The following ZNF600 variants were observed in gnomAD, a reference collection of about 807,000 sequenced individuals.
The protein encoded by ZNF600 is zinc finger protein 600, also known as zinc finger protein KR-ZNF1.
Under a neutral mutation model 7.3 loss-of-function variants are expected in ZNF600, and 4 were observed. That is an observed-to-expected ratio of 0.55 (90% confidence interval 0.27 to 1.25). The LOEUF (loss-of-function observed/expected upper bound fraction) is 1.25, where lower values mean the gene tolerates loss of function less well. ZNF600 is among the 50% of genes most tolerant of loss of function. The probability of loss-of-function intolerance (pLI) is 0.12; values close to 1 mark genes in which losing one functional copy is unlikely to be tolerated. For synonymous variants in ZNF600, 290 were observed against 308.9 expected (o/e 0.94, Z 0.64); for missense variants, 911 against 922.1 (o/e 0.99, Z 0.16).
chr19:52,828,310 C>A, the ZNF600 span, among the ~76,000 whole-genome samples: 2 of 152,046 alleles, frequency 1.3e-5, no homozygotes, highest in East Asian at 1.9e-4. Context: ...CCTCAACCCC[C>A]CAAAGTCCTA....
intron 3 of ZNF600, among the ~76,000 whole-genome samples, chr19:52,774,084 T>C (rs540043430): frequency 6.6e-6 from 1 of 152,010 alleles, no homozygotes; most frequent in South Asian, 2.1e-4. Flanking sequence ...GATAAATATA[T>C]GAACAAAATG....
Position 52,765,991 on chromosome 19 carries a change from T to C in ZNF600, c.1972A>G (p.Lys658Glu), listed in dbSNP as rs779982039. 35 of 1,614,114 alleles carry C rather than the reference T, an allele frequency of 2.2e-5. No homozygotes were observed. Among genetic ancestry groups the C allele is most frequent in the Non-Finnish European group, 2.9e-5 (34 of 1,180,050 alleles). ...AGGTATGAATTACGCACGAAAGCCT[T>C]GTCACAAACCGTACATTTGTAAGAT... The change falls in exon 4 of 4, where the codon AAG becomes GAG. Residue 658 changes from lysine (K) to glutamate (E), a missense_variant. Physicochemically the swap from Lys to Glu is moderately conservative, Grantham distance 56 (BLOSUM62 1). Transcript: ENST00000648973.
At chr19:52,815,551 G>T in the ZNF600 span, among the ~76,000 whole-genome samples, 1 of 145,606 alleles carries the variant, frequency 6.9e-6, no homozygotes, top group Non-Finnish European at 1.5e-5. Context: ...CTGTCTGGGC[G>T]TGGTGGCTCA....
chr19:52,827,243 T>TAAAAAA, the ZNF600 span, among the ~76,000 whole-genome samples: 2 of 69,284 alleles, frequency 2.9e-5, no homozygotes, highest in Non-Finnish European at 3.2e-5. Context: ...ACCCTGTCTC[T>TAAAAAA]AAAAACAAAA....
the ZNF600 span, among the ~76,000 whole-genome samples, chr19:52,812,762 TAAAA>T: frequency 9.9e-4 from 75 of 75,426 alleles, no homozygotes; most frequent in African/African-American, 2.7e-3. Context: ...GAATGATCAA[TAAAA>T]AAAAAAAAAA....
chr19:52,785,018 T>C (rs2147584637), intron 1 of ZNF600, among the ~76,000 whole-genome samples: 1 of 152,196 alleles, frequency 6.6e-6, no homozygotes, highest in East Asian at 1.9e-4. Flanking sequence ...ATTACAGGCA[T>C]GAGCCACTGC....
chr19:52,771,213 A>G (rs1173189683), intron 3 of ZNF600, among the ~76,000 whole-genome samples: 2 of 152,154 alleles, frequency 1.3e-5, no homozygotes, highest in Non-Finnish European at 2.9e-5. Flanking sequence ...CACTGCAGGA[A>G]GGTGGCTGGG....
chr19:52,804,955 T>A, the ZNF600 span, among the ~76,000 whole-genome samples: 1 of 152,192 alleles, frequency 6.6e-6, no homozygotes. Flanking sequence ...AGCCATCTAA[T>A]AGCACTAACA....
chr19:52,810,658 C>A, the ZNF600 span: 1 of 1,123,062 alleles, frequency 8.9e-7, no homozygotes. Context: ...GCTCTGGGGT[C>A]GCGTCTACAG....
At chr19:52,768,373 G>A (rs2062605753) in intron 3 of ZNF600, among the ~76,000 whole-genome samples, 1 of 150,290 alleles carries the variant, frequency 6.7e-6, no homozygotes, top group Non-Finnish European at 1.5e-5. Flanking sequence ...CTGGGAGGCA[G>A]AGGTTGCGGT....
chr19:52,769,486 G>A (rs2062615564), intron 3 of ZNF600, among the ~76,000 whole-genome samples: 1 of 152,174 alleles, frequency 6.6e-6, no homozygotes, highest in African/African-American at 2.4e-5. Flanking sequence ...TAGTGGACAG[G>A]TGACCCACGT....
At chr19:52,770,198 T>C (rs112622092) in intron 3 of ZNF600, among the ~76,000 whole-genome samples, 3,160 of 152,230 alleles carry the variant, frequency 0.021, 120 homozygotes, top group African/African-American at 0.07. Flanking sequence ...TCCCAGTACT[T>C]TGGGAGGTGG....
intron 1 of ZNF600, among the ~76,000 whole-genome samples, chr19:52,781,842 C>A (rs1320311658): frequency 6.6e-6 from 1 of 151,832 alleles, no homozygotes; most frequent in Non-Finnish European, 1.5e-5. Context: ...GTGGGTGGAT[C>A]ACAAGGCCAG....
At chr19:52,807,951 C>A in the ZNF600 span, 14 of 1,609,220 alleles carry the variant, frequency 8.7e-6, no homozygotes, top group South Asian at 2.2e-5. Flanking sequence ...TCCCAAGAGG[C>A]AACAAGAGAA....
chr19:52,767,729 C>T (rs779711049), exon 4 of ZNF600: 2 of 1,596,474 alleles, frequency 1.3e-6, no homozygotes, highest in East Asian at 2.2e-5. Flanking sequence ...TATTGCCTTG[C>T]CCTGTTGACA....
intron 2 of ZNF600, 127 bp downstream of exon 4, chr19:52,778,699 G>A (rs2062696114): frequency 7.7e-7 from 1 of 1,299,492 alleles, no homozygotes; most frequent in Non-Finnish European, 1.0e-6. Context: ...ACTAAGGGCA[G>A]GCATGGCTGA....
the ZNF600 span, chr19:52,800,394 C>A: frequency 8.9e-5 from 144 of 1,613,914 alleles, no homozygotes; most frequent in Non-Finnish European, 1.2e-4. Flanking sequence ...CCTCCTATGT[C>A]TTTCAAGGTG....
the ZNF600 span, among the ~76,000 whole-genome samples, chr19:52,792,993 C>CCCAAAGTGCCTGG: frequency 2.0e-5 from 3 of 152,192 alleles, no homozygotes; most frequent in South Asian, 6.2e-4. Flanking sequence ...ACCTCGGCCT[C>CCCAAAGTGCCTGG]CCAAAGTGCT....
chr19:52,767,792 A>G lies in ZNF600; in HGVS notation c.191-20T>C, dbSNP rs189818744. 2 of 1,534,262 alleles carry G rather than the reference A, an allele frequency of 1.3e-6. No individual in the cohort carries two copies. Among genetic ancestry groups the G allele is most frequent in the East Asian group, 4.5e-5 (2 of 44,284 alleles). On this transcript the variant is annotated intron_variant, in intron 3 of 3. Coordinates refer to ENST00000648973, the Ensembl canonical transcript of ZNF600. ...AGATATCTACAAAATATAAACAACA[A>G]TAGGTTTCCAATTAAGTACAGATGG...
Sources: allele counts gnomAD v4.1 joint callset (sites outside exome capture counted in the v4.1 genomes callset), GRCh38; gene constraint gnomAD v4.1.1; transcripts MANE v1.5; gene names NCBI Gene and HGNC (gene_info 2026-07-23, HGNC 2026-07-21).